The following CROCC variants were observed in gnomAD, a reference collection of about 807,000 sequenced individuals.
The protein encoded by CROCC is ciliary rootlet coiled-coil, rootletin, also known as rootletin.
Under a neutral mutation model 245.2 loss-of-function variants are expected in CROCC, and 180 were observed. The observed-to-expected ratio is 0.73, with a 90% confidence interval of 0.65 to 0.83. CROCC has a LOEUF of 0.83. Ranked by LOEUF, CROCC falls within the 40% of genes least tolerant of loss-of-function variation. The probability of loss-of-function intolerance (pLI) is 0.00; values close to 1 mark genes in which losing one functional copy is unlikely to be tolerated. For missense variants in CROCC, 2,688 were observed against 2,779.4 expected, an observed-to-expected ratio of 0.97 and a Z score of 0.74; for synonymous variants, 1,205 against 1,241.6, an observed-to-expected ratio of 0.97 and a Z score of 0.62.
chr1:16,933,192 G>A (rs1287407329), intron 8 of CROCC, among the ~76,000 whole-genome samples: 7 of 152,286 alleles, frequency 4.6e-5, no homozygotes, highest in Non-Finnish European at 1.0e-4. Flanking sequence ...TAGACCAGGT[G>A]CAGTGGCTCA....
chr1:16,942,750 T>A (rs1250359415), intron 13 of CROCC, among the ~76,000 whole-genome samples: 1 of 152,268 alleles, frequency 6.6e-6, no homozygotes, highest in East Asian at 1.9e-4. Context: ...AAGGAGAAGG[T>A]CTTTTTAAGC....
intron 26 of CROCC, 53 bp from the exon 27 acceptor site, chr1:16,960,705 G>A (rs887388516): frequency 1.4e-6 from 2 of 1,430,450 alleles, no homozygotes; most frequent in African/African-American, 2.9e-5. Context: ...TTAGGGGTGG[G>A]GCGTCGGGTT....
chr1:16,928,381 T>C (rs1459526522), intron 3 of CROCC, among the ~76,000 whole-genome samples: 3 of 152,192 alleles, frequency 2.0e-5, no homozygotes, highest in Non-Finnish European at 2.9e-5. Context: ...GTTCTATGGC[T>C]GGTAGGGACA....
intron 30 of CROCC, among the ~76,000 whole-genome samples, chr1:16,967,928 T>C (rs2076445207): frequency 6.6e-6 from 1 of 152,034 alleles, no homozygotes; most frequent in African/African-American, 2.4e-5. Context: ...TGTACAGATA[T>C]GAAATGGGGC....
chr1:16,965,989 G>A lies in CROCC; in HGVS notation c.4576-10G>A, dbSNP rs1221847951. 5.0e-6 allele frequency: 8 copies of A among 1,610,666 alleles called. No homozygotes were observed. The highest frequency in any genetic ancestry group is 2.2e-5 in the East Asian group (1 of 44,752). On this transcript the variant is annotated splice_polypyrimidine_tract_variant and intron_variant, in intron 28 of 36. Coordinates refer to ENST00000375541, the MANE Select transcript of CROCC (RefSeq NM_014675.5). Reference sequence around the variant, plus strand: ...GGGTCTGTCTTTGTTCCCCCATGTCGGGGCTACAGGACGAACTTCGGACCC... The same window carrying A: ...GGGTCTGTCTTTGTTCCCCCATGTCAGGGCTACAGGACGAACTTCGGACCC...
Position 16,969,788 on chromosome 1 carries a change from C to A in CROCC, c.5305C>A (p.Arg1769=), listed in dbSNP as rs369883961. 1 of 1,612,284 alleles carries A rather than the reference C, an allele frequency of 6.2e-7. No individual in the cohort carries two copies. The highest frequency in any genetic ancestry group is 8.5e-7 in the Non-Finnish European group (1 of 1,179,286). The change falls in exon 33 of 37, where the codon CGG becomes AGG. Residue 1769 remains arginine, a synonymous_variant. Coordinates refer to ENST00000375541, the MANE Select transcript of CROCC (RefSeq NM_014675.5). ...ACCATCAGCCCCTGTCCCCCAGGAACGGCTGGATGCCGCCCGGCAGGCATT... is the reference window on the plus strand; with the variant it reads ...ACCATCAGCCCCTGTCCCCCAGGAAAGGCTGGATGCCGCCCGGCAGGCATT... ...CEHDRQVLQE[R]LDAARQALSE...
Position 16,970,315 on chromosome 1 carries a change from C to G in CROCC, c.5514C>G (p.Asp1838Glu). 1 of 1,584,640 alleles carries G rather than the reference C, an allele frequency of 6.3e-7. No homozygotes were observed. The highest frequency in any genetic ancestry group is 1.3e-5 in the African/African-American group (1 of 74,498). ...TGAACACCGTCCAGAAGCTGCAAGA[C>G]GAGCGGCGGCTGCTGCAGGAGCGCC... is the stretch of plus-strand genomic sequence containing the variant. The part of the protein sequence containing the change: ...AALNTVQKLQ[D>E]ERRLLQERLG... Residue 1838 changes from aspartate to glutamate, a missense_variant, in exon 34 of 37, where the codon GAC becomes GAG. Physicochemically the swap from Asp to Glu is conservative, Grantham distance 45. Transcript: ENST00000375541.
intron 27 of CROCC, among the ~76,000 whole-genome samples, chr1:16,964,331 T>TTTTCTTTTCC (rs1163257966): frequency 1.3e-5 from 2 of 151,488 alleles, no homozygotes; most frequent in African/African-American, 2.4e-5. Context: ...TTTTCTTTTC[T>TTTTCTTTTCC]TTTCTTTTCC....
chr1:16,933,787 G>T (rs553888627), intron 8 of CROCC, among the ~76,000 whole-genome samples: 517 of 152,206 alleles, frequency 3.4e-3, no homozygotes, highest in Middle Eastern at 0.017. Context: ...GGCTGGTCTT[G>T]ACCTCAGGTG....
Position 16,930,413 on chromosome 1 carries a change from C to T in CROCC, c.684-16C>T, listed in dbSNP as rs373850471. The T allele has an allele frequency of 8.7e-6, 14 of 1,611,304 alleles. No homozygotes were observed. The African/African-American group carries it at 1.9e-4, about 22-fold the overall frequency. On this transcript the variant is annotated splice_polypyrimidine_tract_variant and intron_variant, in intron 6 of 36. Transcript: ENST00000375541. ...CCCCTGCGCGAGCGCCTACTGATCCCCTGTGCCCCATTCAGGAGTGCCAGC... is the reference window on the plus strand; with the variant it reads ...CCCCTGCGCGAGCGCCTACTGATCCTCTGTGCCCCATTCAGGAGTGCCAGC...
rs1418047948 is a variant in CROCC at position 16,954,116 on chromosome 1, C to G, written c.3187-107C>G. On this transcript the variant is annotated intron_variant, in intron 21 of 36. Coordinates refer to ENST00000375541, the MANE Select transcript of CROCC (RefSeq NM_014675.5). The surrounding 1 kb of genome is among the most constrained non-coding windows in gnomAD (Gnocchi z 4.4). ...CTGGGTCCACCTGCAGTGGCACACT[C>G]AGGCCTCTAAGCCCCCAGTGGGCAC... 9 of 1,173,706 alleles carry G rather than the reference C, an allele frequency of 7.7e-6. No individual in the cohort carries two copies. In the Admixed American group the frequency reaches 8.6e-5, roughly 11 times the overall value. The allele number at this position is 1,173,706 out of a possible 1,614,324, so 72.7% of individuals were successfully genotyped here.
rs562055440 is a variant in CROCC, at chr1:16,946,333, C to G, written c.2211C>G (p.Ser737=). 1.9e-6 allele frequency: 3 copies of G among 1,613,508 alleles called. No individual in the cohort carries two copies. The East Asian group carries it at 6.7e-5, about 36-fold the overall frequency. Residue 737 remains serine, a synonymous_variant, in exon 16 of 37, where the codon TCC becomes TCG. Transcript: ENST00000375541. ...LRAEEASLQD[S]LSKLSALNES... is the part of the protein sequence containing the mutation. Reference sequence around the variant, plus strand: ...CAGAGGAGGCCTCCCTGCAGGACTCCCTGTCCAAGCTGAGCGCCCTCAACG... The same window carrying G: ...CAGAGGAGGCCTCCCTGCAGGACTCGCTGTCCAAGCTGAGCGCCCTCAACG...
Position 16,936,778 on chromosome 1 carries a change from G to C in CROCC, c.1098G>C (p.Gln366His). Reference sequence around the variant, plus strand: ...AGAAACAGGCCCTGCTGCAGGCCCAGCTGGAGGAGCAGCTGCGGGACAAGG... The same window carrying C: ...AGAAACAGGCCCTGCTGCAGGCCCACCTGGAGGAGCAGCTGCGGGACAAGG... The part of the protein sequence containing the change: ...ALEKQALLQA[Q>H]LEEQLRDKVL... The change falls in exon 9 of 37, where the codon CAG becomes CAC. Residue 366 changes from glutamine to histidine, a missense_variant. Gln to His is a conservative substitution (Grantham distance 24). Transcript: ENST00000375541. 1 of 1,611,742 alleles carries C rather than the reference G, an allele frequency of 6.2e-7. No individual in the cohort carries two copies. Among genetic ancestry groups the C allele is most frequent in the Non-Finnish European group, 8.5e-7 (1 of 1,179,742 alleles).
intron 7 of CROCC, among the ~76,000 whole-genome samples, chr1:16,930,812 T>C (rs2075659000): frequency 6.6e-6 from 1 of 152,302 alleles, no homozygotes; most frequent in Admixed American, 6.5e-5. Context: ...GATAACTGCA[T>C]GTGGTAGGTG....
intron 1 of CROCC, among the ~76,000 whole-genome samples, chr1:16,914,661 G>C (rs1237243437): frequency 1.3e-5 from 2 of 152,300 alleles, no homozygotes; most frequent in African/African-American, 4.8e-5. Flanking sequence ...ATGCTGTGCG[G>C]GGATGGGGCC....
chr1:16,971,144 A>G lies in CROCC; in HGVS notation c.5785-321A>G, dbSNP rs572962986. Among the ~76,000 whole-genome samples, 52 of 152,156 alleles carry G rather than the reference A, an allele frequency of 3.4e-4. 1 individual carries two copies. The South Asian group carries it at 0.011, about 31-fold the overall frequency. ...GGGAGTTGGGCCTTTGCACATACAC[A>G]TGCACCTGTGTGAGTCCAGATAGGT... On this transcript the variant is annotated intron_variant, in intron 35 of 36. Coordinates refer to ENST00000375541, the MANE Select transcript of CROCC (RefSeq NM_014675.5).
At chr1:16,943,537 C>CAAAA (rs879660607) in intron 13 of CROCC, among the ~76,000 whole-genome samples, 7 of 143,128 alleles carry the variant, frequency 4.9e-5, no homozygotes, top group African/African-American at 7.7e-5. Context: ...GACTCCGTCT[C>CAAAA]AAAAAAAAAA....
chr1:16,934,963 G>T (rs545039216), intron 8 of CROCC, among the ~76,000 whole-genome samples: 1 of 146,398 alleles, frequency 6.8e-6, no homozygotes, highest in Admixed American at 7.0e-5. Context: ...GCAGTGGCAC[G>T]ATCTTGGCTC....
chr1:16,946,603 A>C (rs1299236993), intron 16 of CROCC, among the ~76,000 whole-genome samples, 158 bp from the exon 17 acceptor site: 1 of 151,960 alleles, frequency 6.6e-6, no homozygotes, highest in African/African-American at 2.4e-5. Context: ...GGCCCTCCTC[A>C]TCTCCCCCTC....
Sources: gnomAD v4.1 joint callset for allele counts (sites outside exome capture counted in the v4.1 genomes callset) on GRCh38, gnomAD v4.1.1 for gene constraint, Gnocchi (gnomAD v3.1) non-coding constraint, MANE v1.5 for transcripts, NCBI Gene and HGNC (gene_info 2026-07-23, HGNC 2026-07-21) for gene names.